The following CLTCL1 variants were observed in gnomAD, a reference collection of about 807,000 sequenced individuals.
CLTCL1 encodes clathrin heavy chain 2.
In CLTCL1, 159 loss-of-function variants were observed where a neutral mutation model predicts 190.0. The observed-to-expected ratio is 0.84, with a 90% CI of 0.74 to 0.95. CLTCL1 has a LOEUF of 0.95. CLTCL1 is among the 40% of genes least tolerant of loss of function. CLTCL1 has a pLI of 0.00. For missense variants in CLTCL1, 1,878 were observed against 2,033.4 expected, an observed-to-expected ratio of 0.92 and a Z score of 1.47; for synonymous variants, 752 against 769.6, an observed-to-expected ratio of 0.98 and a Z score of 0.38.
At chr22:19,237,141 C>A (rs2086105998) in intron 5 of CLTCL1, among the ~76,000 whole-genome samples, 1 of 152,080 alleles carries the variant, frequency 6.6e-6, no homozygotes, top group South Asian at 2.1e-4. Flanking sequence ...ACATCAGACA[C>A]TTAGTACTCT....
chr22:19,242,972 AAG>A (rs1569215227), intron 3 of CLTCL1, 36 bp from the exon 4 acceptor site: 1 of 1,574,174 alleles, frequency 6.4e-7, no homozygotes, highest in South Asian at 1.1e-5. Flanking sequence ...AGGGAGAGAA[AAG>A]AGAGGAATAT....
intron 16 of CLTCL1, 139 bp from the exon 17 acceptor site, chr22:19,221,750 T>A: frequency 1.0e-6 from 1 of 979,036 alleles, no homozygotes; most frequent in East Asian, 2.6e-5. Context: ...GGGACCAAGA[T>A]GGACCTGGTT....
At chr22:19,268,728 G>C (rs2087203254) in intron 2 of CLTCL1, among the ~76,000 whole-genome samples, 1 of 152,142 alleles carries the variant, frequency 6.6e-6, no homozygotes, top group Non-Finnish European at 1.5e-5. Context: ...GGAGAAACTG[G>C]CATCCTCATA....
chr22:19,232,584 T>TG lies in CLTCL1; in HGVS notation c.1535dup (p.Asp513ArgfsTer35). 6.2e-7 allele frequency: 1 copy of TG among 1,613,110 alleles called. No homozygotes were observed. Among genetic ancestry groups the TG allele is most frequent in the Admixed American group, 1.7e-5 (1 of 59,840 alleles). On this transcript the variant is annotated frameshift_variant, in exon 10 of 33. Transcript: ENST00000427926. LOFTEE classifies it high-confidence loss of function. The stretch of plus-strand genomic sequence containing the variant: ...CACCCCTCAGCAGAAAGATCCAGTC[T>TG]GGGGTGTACCCAACCTAGAAGCAAG...
Position 19,221,434 on chromosome 22 carries a change from G to A in CLTCL1, c.2739C>T (p.Asp913=). The A allele has an allele frequency of 6.4e-7, 1 of 1,567,054 alleles. No homozygotes were observed. Among genetic ancestry groups the A allele is most frequent in the Non-Finnish European group, 8.7e-7 (1 of 1,155,390 alleles). ...CATAGGCAACACAGGCCAGATGGGGGTCTCGCTTCTCACAGTAGCGGCCCA... is the reference window on the plus strand; with the variant it reads ...CATAGGCAACACAGGCCAGATGGGGATCTCGCTTCTCACAGTAGCGGCCCA... ...SVVGRYCEKR[D]PHLACVAYER... Residue 913 remains aspartate, a synonymous_variant, in exon 17 of 33, where the codon GAC becomes GAT. Coordinates refer to ENST00000427926, the MANE Select transcript of CLTCL1 (RefSeq NM_007098.4).
rs374584984 is a variant in CLTCL1, at chr22:19,222,134, C to G, written c.2419-41G>C. The G allele has an allele frequency of 3.1e-6, 5 of 1,608,638 alleles. No homozygotes were observed. In the Admixed American group the frequency reaches 8.4e-5, roughly 27 times the overall value. ...TCAAGTAACTTCAGTGTTGCAAACA[C>G]AAGTTATTGTTAGAAGCCTCCTACG... On this transcript the variant is annotated intron_variant, in intron 15 of 32. Coordinates refer to ENST00000427926, the MANE Select transcript of CLTCL1 (RefSeq NM_007098.4).
At chr22:19,251,814 C>T (rs1317590301) in intron 3 of CLTCL1, among the ~76,000 whole-genome samples, 2 of 152,210 alleles carry the variant, frequency 1.3e-5, no homozygotes, top group Non-Finnish European at 2.9e-5. Flanking sequence ...AATCTCTAGT[C>T]CAAAGCTGAA....
chr22:19,199,871 C>T (rs782070268), intron 23 of CLTCL1, 30 bp from the exon 24 acceptor site: 4 of 1,489,934 alleles, frequency 2.7e-6, no homozygotes, highest in East Asian at 2.4e-5. Context: ...CGTGAGGGTC[C>T]CCAAGACAGG....
chr22:19,199,680 G>C, intron 24 of CLTCL1, 54 bp downstream of exon 24: 1 of 1,365,886 alleles, frequency 7.3e-7, no homozygotes, highest in East Asian at 2.5e-5. Flanking sequence ...CCTCTCTGTG[G>C]AGTGTTTAGG....
chr22:19,222,137 G>A (rs781902179), intron 15 of CLTCL1, 44 bp from the exon 16 acceptor site: 5 of 1,607,108 alleles, frequency 3.1e-6, no homozygotes, highest in East Asian at 4.5e-5. Context: ...GCAAACACAA[G>A]TTATTGTTAG....
At chr22:19,192,422 C>A (rs2084542591) in intron 26 of CLTCL1, among the ~76,000 whole-genome samples, 1 of 152,300 alleles carries the variant, frequency 6.6e-6, no homozygotes, top group East Asian at 1.9e-4. Flanking sequence ...GGCCTGGACA[C>A]AGCTCTGTTC....
chr22:19,285,639 TG>T (rs1331752791), intron 1 of CLTCL1, among the ~76,000 whole-genome samples: 6 of 152,114 alleles, frequency 3.9e-5, no homozygotes, highest in Non-Finnish European at 8.8e-5. Context: ...CTGCCAAGAG[TG>T]ATGGTCATCT....
In CLTCL1 at chr22:19,272,520, G is replaced by C. The variant is rs186360083; in HGVS notation, c.250+3103C>G. 4.6e-5 allele frequency among the ~76,000 whole-genome samples: 7 copies of C among 152,234 alleles called. No homozygotes were observed. The East Asian group carries it at 1.4e-3, about 29-fold the overall frequency. Reference sequence around the variant, plus strand: ...AGTTTCGCTCTTGTTGCCCAGGCTAGAGTGCAATAGCACGATCTTGGCTCA... The same window carrying C: ...AGTTTCGCTCTTGTTGCCCAGGCTACAGTGCAATAGCACGATCTTGGCTCA... On this transcript the variant is annotated intron_variant, in intron 2 of 32. Transcript: ENST00000427926.
chr22:19,271,600 G>C (rs1251284399), intron 2 of CLTCL1, among the ~76,000 whole-genome samples: 3 of 152,134 alleles, frequency 2.0e-5, no homozygotes, highest in Admixed American at 2.0e-4. Context: ...CTATGGAACT[G>C]TGAGTCAATT....
At chr22:19,263,532 G>C (rs1481293632) in intron 2 of CLTCL1, among the ~76,000 whole-genome samples, 1 of 152,094 alleles carries the variant, frequency 6.6e-6, no homozygotes, top group African/African-American at 2.4e-5. Context: ...CTCCGCCTCA[G>C]CCTCTTGACA....
intron 29 of CLTCL1, chr22:19,184,428 G>T (rs137921350): frequency 6.6e-6 from 3 of 455,160 alleles, no homozygotes; most frequent in South Asian, 4.7e-5. Flanking sequence ...CCCTGAGGAC[G>T]CCCAGTGCCC....
intron 3 of CLTCL1, among the ~76,000 whole-genome samples, chr22:19,245,816 C>T (rs2086400869): frequency 6.6e-6 from 1 of 152,110 alleles, no homozygotes; most frequent in Non-Finnish European, 1.5e-5. Context: ...TTGAGGTTTA[C>T]CTATGTGTAG....
rs569753817 is a variant in CLTCL1, at chr22:19,243,264, C to T, written c.520-328G>A. ...TCTAAAGCATTAATAGTAGTTAAAT[C>T]GGGGGATGCAATCACAGGTAATTTT... On this transcript the variant is annotated intron_variant, in intron 3 of 32. Transcript: ENST00000427926. 7.9e-5 allele frequency among the ~76,000 whole-genome samples: 12 copies of T among 152,226 alleles called. No homozygotes were observed. The South Asian group carries it at 2.3e-3, about 29-fold the overall frequency.
At chr22:19,222,127 G>A in intron 15 of CLTCL1, 34 bp from the exon 16 acceptor site, 1 of 1,609,126 alleles carries the variant, frequency 6.2e-7, no homozygotes, top group Non-Finnish European at 8.5e-7. Context: ...CTTCAGTGTT[G>A]CAAACACAAG....
Sources: gnomAD v4.1 joint callset for allele counts (sites outside exome capture counted in the v4.1 genomes callset) on GRCh38, gnomAD v4.1.1 for gene constraint, MANE v1.5 for transcripts, NCBI Gene and HGNC (gene_info 2026-07-23, HGNC 2026-07-21) for gene names.